Variants in NOL4 observed in about 807,000 individuals in gnomAD.
NOL4 encodes the protein cancer/testis antigen 125.
In NOL4, 17 loss-of-function variants were observed where a neutral mutation model predicts 75.9. The observed-to-expected ratio is 0.22, with a 90% CI of 0.15 to 0.34. The LOEUF (loss-of-function observed/expected upper bound fraction) is 0.34, where lower values mean the gene tolerates loss of function less well. Among genes scored for constraint, NOL4 ranks in the 10% least tolerant of loss-of-function variants. The pLI, the probability that NOL4 is intolerant of heterozygous loss-of-function variation, is 1.00. For missense variants in NOL4, 614 were observed against 793.5 expected, an observed-to-expected ratio of 0.77 and a Z score of 2.72; for synonymous variants, 292 against 289.9, an observed-to-expected ratio of 1.01 and a Z score of -0.07.
intron 1 of NOL4, among the ~76,000 whole-genome samples, chr18:34,182,721 A>T (rs534046647): frequency 3.6e-4 from 55 of 151,634 alleles, no homozygotes; most frequent in Middle Eastern, 3.4e-3. Flanking sequence ...ATTTTTTTTA[A>T]AAAAATTAAA....
rs540717536 is a variant in NOL4 at position 34,186,200 on chromosome 18, A to C, written c.264+36790T>G. Among the ~76,000 whole-genome samples, 3 of 152,296 alleles carry C rather than the reference A, an allele frequency of 2.0e-5. No individual in the cohort carries two copies. The East Asian group carries it at 5.8e-4, about 29-fold the overall frequency. ...ATGTTTGGGTATCTCCATTTTCTCC[A>C]TAATCTATTCTGCTCACTTCTACCA... On this transcript the variant is annotated intron_variant, in intron 1 of 10. Transcript: ENST00000261592.
At chr18:33,964,624 A>G (rs1482935863) in intron 6 of NOL4, among the ~76,000 whole-genome samples, 1 of 152,200 alleles carries the variant, frequency 6.6e-6, no homozygotes, top group African/African-American at 2.4e-5. Flanking sequence ...TAGCAGGATC[A>G]GCATCTCCTG....
intron 6 of NOL4, among the ~76,000 whole-genome samples, chr18:33,992,756 G>GCTT (rs1568182388): frequency 6.6e-6 from 1 of 151,942 alleles, no homozygotes; most frequent in Non-Finnish European, 1.5e-5. Flanking sequence ...TTTCAATCAG[G>GCTT]CTTCACTCAT....
intron 8 of NOL4, among the ~76,000 whole-genome samples, chr18:33,946,449 T>C (rs1161363569): frequency 6.6e-6 from 1 of 151,794 alleles, no homozygotes; most frequent in Non-Finnish European, 1.5e-5. Flanking sequence ...TGAGAGATTA[T>C]GCAACTTGCT....
intron 5 of NOL4, among the ~76,000 whole-genome samples, chr18:34,078,043 T>G (rs28535155): frequency 0.016 from 2,419 of 152,272 alleles, 68 homozygotes; most frequent in African/African-American, 0.056. Flanking sequence ...ATCATAAAAT[T>G]TCCATGAACT....
At chr18:33,898,402 T>C (rs1377189) in intron 9 of NOL4, among the ~76,000 whole-genome samples, 14,544 of 152,172 alleles carry the variant, frequency 0.096, 905 homozygotes, top group Non-Finnish European at 0.14. Context: ...ATGCCCAAAT[T>C]GTCTATTTTT....
chr18:34,071,174 AATGTATACATGTATCAAAATTTATATT>A (rs1238905335), intron 5 of NOL4, among the ~76,000 whole-genome samples: 32 of 152,202 alleles, frequency 2.1e-4, no homozygotes, highest in African/African-American at 7.0e-4. Flanking sequence ...ATCATTACAC[AATGTATACATGTATCAAAATTTATATT>A]GTACCCACTA....
intron 6 of NOL4, among the ~76,000 whole-genome samples, chr18:33,967,955 G>A (rs376153504): frequency 7.3e-4 from 111 of 151,904 alleles, no homozygotes; most frequent in African/African-American, 2.5e-3. Flanking sequence ...GCGTGGTGGC[G>A]GGCACCTCTA....
At chr18:34,108,439 T>G (rs1162174565) in intron 2 of NOL4, among the ~76,000 whole-genome samples, 1 of 152,044 alleles carries the variant, frequency 6.6e-6, no homozygotes, top group African/African-American at 2.4e-5. Context: ...AACTATATGC[T>G]GTCTACAAAA....
At chr18:33,963,733 G>A (rs1180250987) in intron 6 of NOL4, among the ~76,000 whole-genome samples, 1 of 152,110 alleles carries the variant, frequency 6.6e-6, no homozygotes, top group Non-Finnish European at 1.5e-5. Context: ...GCTTTCCTCA[G>A]CAAAGAGGCT....
intron 9 of NOL4, among the ~76,000 whole-genome samples, chr18:33,892,825 T>A (rs2065175712): frequency 6.6e-6 from 1 of 151,820 alleles, no homozygotes; most frequent in Non-Finnish European, 1.5e-5. Context: ...CCTGGCTAAT[T>A]TTTTTCTTTT....
Position 33,943,270 on chromosome 18 carries a change from A to G in NOL4, c.1429-92T>C, listed in dbSNP as rs1390552741. 2.9e-5 allele frequency: 22 copies of G among 762,960 alleles called. No homozygotes were observed. The Admixed American group carries it at 4.7e-4, about 16-fold the overall frequency. 47.3% of individuals were successfully genotyped at this position (762,960 alleles called of 1,614,324 possible). On this transcript the variant is annotated intron_variant, in intron 8 of 10. Transcript: ENST00000261592. Reference sequence around the variant, plus strand: ...CTCAGAAGAGCTCTCAGGATCATCAACATGTGCAGGAATATCCATTTATTT... The same window carrying G: ...CTCAGAAGAGCTCTCAGGATCATCAGCATGTGCAGGAATATCCATTTATTT...
At chr18:34,075,171 T>G (rs1403290910) in intron 5 of NOL4, among the ~76,000 whole-genome samples, 1 of 152,152 alleles carries the variant, frequency 6.6e-6, no homozygotes, top group Non-Finnish European at 1.5e-5. Flanking sequence ...TCTTCAGATT[T>G]TGGAATATTT....
At chr18:33,945,532 T>G (rs1365074511) in intron 8 of NOL4, among the ~76,000 whole-genome samples, 2 of 151,780 alleles carry the variant, frequency 1.3e-5, no homozygotes, top group African/African-American at 4.8e-5. Context: ...TGTAATTTCC[T>G]TTTCAGAAAA....
chr18:33,858,534 G>T (rs564316793), intron 10 of NOL4, among the ~76,000 whole-genome samples: 107 of 151,160 alleles, frequency 7.1e-4, no homozygotes, highest in African/African-American at 2.0e-3. Context: ...TTTATCAATG[G>T]GCTAAAGATA....
intron 10 of NOL4, among the ~76,000 whole-genome samples, chr18:33,879,441 G>A (rs773939228): frequency 3.3e-5 from 5 of 152,014 alleles, no homozygotes; most frequent in African/African-American, 1.2e-4. Flanking sequence ...GGAGACGAAG[G>A]TGGGCACATC....
At chr18:34,150,082 A>T (rs930646865) in intron 1 of NOL4, among the ~76,000 whole-genome samples, 1 of 151,670 alleles carries the variant, frequency 6.6e-6, no homozygotes, top group Non-Finnish European at 1.5e-5. Context: ...CTAAAATATG[A>T]TGATAATTAT....
At chr18:33,980,438 AT>A (rs1410771223) in intron 6 of NOL4, among the ~76,000 whole-genome samples, 1 of 152,060 alleles carries the variant, frequency 6.6e-6, no homozygotes, top group Non-Finnish European at 1.5e-5. Flanking sequence ...AAAAGTAACC[AT>A]TTTGAAACAT....
At chr18:34,137,275 A>G (rs1046659008) in intron 1 of NOL4, among the ~76,000 whole-genome samples, 1 of 152,142 alleles carries the variant, frequency 6.6e-6, no homozygotes, top group South Asian at 2.1e-4. Context: ...CAACAAAAGG[A>G]AAAATTATAA....
Sources: gnomAD v4.1 joint callset for allele counts (sites outside exome capture counted in the v4.1 genomes callset) on GRCh38, gnomAD v4.1.1 for gene constraint, MANE v1.5 for transcripts, NCBI Gene and HGNC (gene_info 2026-07-23, HGNC 2026-07-21) for gene names.